CRPPA: variants seen among roughly 807,000 people sequenced by gnomAD.
CRPPA encodes the protein D-ribitol-5-phosphate cytidylyltransferase.
Under a neutral mutation model 52.0 loss-of-function variants are expected in CRPPA, and 43 were observed. That is an observed-to-expected ratio of 0.83 (90% CI 0.65 to 1.07). The LOEUF is 1.07. CRPPA is among the 50% of genes least tolerant of loss of function. CRPPA has a pLI of 0.00. For synonymous variants in CRPPA, 250 were observed against 203.5 expected (o/e 1.23, Z -1.94); for missense variants, 629 against 551.7 (o/e 1.14, Z -1.40).
At chr7:16,298,179 G>A (rs1784713588) in intron 5 of CRPPA, among the ~76,000 whole-genome samples, 1 of 152,248 alleles carries the variant, frequency 6.6e-6, no homozygotes, top group African/African-American at 2.4e-5. Flanking sequence ...GCAGCTGGGA[G>A]AGCATCGTAA....
intron 9 of CRPPA, among the ~76,000 whole-genome samples, chr7:16,138,114 C>G (rs928364924): frequency 1.6e-4 from 25 of 152,140 alleles, no homozygotes; most frequent in Non-Finnish European, 3.2e-4. Context: ...ACTATGTCAA[C>G]AATTTATATG....
chr7:16,094,800 T>G (rs1781904658), intron 9 of CRPPA, among the ~76,000 whole-genome samples: 1 of 152,024 alleles, frequency 6.6e-6, no homozygotes. Flanking sequence ...TCGGAAAAGT[T>G]CCTGTTGGAG....
chr7:16,119,540 G>A (rs936460663), intron 9 of CRPPA, among the ~76,000 whole-genome samples: 1 of 152,126 alleles, frequency 6.6e-6, no homozygotes, highest in Non-Finnish European at 1.5e-5. Flanking sequence ...TGAAAACACA[G>A]AGATTGTCAA....
intron 9 of CRPPA, among the ~76,000 whole-genome samples, chr7:16,147,911 C>A (rs1783004684): frequency 6.6e-6 from 1 of 152,068 alleles, no homozygotes; most frequent in Non-Finnish European, 1.5e-5. Flanking sequence ...TGATTTGGTT[C>A]CTACCCTCAT....
intron 9 of CRPPA, among the ~76,000 whole-genome samples, chr7:16,213,969 T>G (rs1404918122): frequency 6.6e-6 from 1 of 152,116 alleles, no homozygotes; most frequent in East Asian, 1.9e-4. Flanking sequence ...TTTAAAACAT[T>G]CCAAATTATT....
intron 1 of CRPPA, among the ~76,000 whole-genome samples, chr7:16,409,238 C>T (rs1003191963): frequency 1.3e-5 from 2 of 152,152 alleles, no homozygotes; most frequent in African/African-American, 2.4e-5. Flanking sequence ...GAAATGGATA[C>T]TCCCCCAAAT....
In CRPPA at chr7:16,258,911, T is replaced by A. The variant is rs775248815; in HGVS notation, c.1026+9A>T. On this transcript the variant is annotated intron_variant, in intron 7 of 9. Coordinates refer to ENST00000407010, the MANE Select transcript of CRPPA (RefSeq NM_001101426.4). ...CCTTAAGTGCCTTCAATCATTTGAA[T>A]TGACTTACATTCACACAAACAAAAT... The A allele has an allele frequency of 6.3e-7, 1 of 1,584,940 alleles. No homozygotes were observed. Among genetic ancestry groups the A allele is most frequent in the African/African-American group, 1.3e-5 (1 of 74,152 alleles).
intron 9 of CRPPA, among the ~76,000 whole-genome samples, chr7:16,111,177 A>G (rs1012868507): frequency 3.9e-5 from 6 of 152,212 alleles, no homozygotes; most frequent in African/African-American, 1.2e-4. Flanking sequence ...GTATGAAAAA[A>G]TGCTTAACAT....
chr7:16,201,403 G>A (rs748279737), intron 9 of CRPPA, among the ~76,000 whole-genome samples: 3 of 152,068 alleles, frequency 2.0e-5, no homozygotes, highest in African/African-American at 4.8e-5. Context: ...CTTTTTGAAC[G>A]ATGTCTTTTA....
At chr7:16,157,901 G>T (rs187241991) in intron 9 of CRPPA, among the ~76,000 whole-genome samples, 1 of 150,942 alleles carries the variant, frequency 6.6e-6, no homozygotes. Flanking sequence ...TTGAGACCGA[G>T]TCTCACTCTG....
At chr7:16,262,281 A>C (rs1412767146) in intron 6 of CRPPA, among the ~76,000 whole-genome samples, 1 of 152,146 alleles carries the variant, frequency 6.6e-6, no homozygotes, top group Non-Finnish European at 1.5e-5. Flanking sequence ...ACTCTACTTT[A>C]GCTACCATTT....
chr7:16,261,651 G>C (rs1032628075), intron 6 of CRPPA, among the ~76,000 whole-genome samples: 1 of 151,712 alleles, frequency 6.6e-6, no homozygotes, highest in Admixed American at 6.6e-5. Flanking sequence ...TTTTGCTTAA[G>C]AATAGTTTAT....
intron 9 of CRPPA, among the ~76,000 whole-genome samples, chr7:16,198,094 C>T (rs1177330274): frequency 2.3e-5 from 2 of 87,400 alleles, no homozygotes; most frequent in Non-Finnish European, 4.5e-5. Flanking sequence ...TGAAATATGG[C>T]CTCGTGGGAA....
chr7:16,232,037 G>A (rs1483080063), intron 8 of CRPPA, among the ~76,000 whole-genome samples: 1 of 152,140 alleles, frequency 6.6e-6, no homozygotes, highest in East Asian at 1.9e-4. Context: ...TACCAGAGAG[G>A]AGAGAGCTTC....
At chr7:16,289,017 G>A (rs1784506007) in intron 5 of CRPPA, among the ~76,000 whole-genome samples, 1 of 151,510 alleles carries the variant, frequency 6.6e-6, no homozygotes, top group African/African-American at 2.4e-5. Flanking sequence ...AAACAAACAA[G>A]GAGACATTAT....
chr7:16,158,803 G>C lies in CRPPA; in HGVS notation c.1251+57263C>G, dbSNP rs79473453. Among the ~76,000 whole-genome samples, 52 of 152,236 alleles carry C rather than the reference G, an allele frequency of 3.4e-4. 1 individual carries two copies. In the East Asian group the frequency reaches 5.2e-3, roughly 15 times the overall value. On this transcript the variant is annotated intron_variant, in intron 9 of 9. Transcript: ENST00000407010. ...CTTCACCCTTCTCCATAACAGTAAA[G>C]GGTGGTTGAGACATGGCTGCTGGCT...
intron 3 of CRPPA, among the ~76,000 whole-genome samples, chr7:16,332,436 G>A (rs1014467151): frequency 6.6e-6 from 1 of 152,052 alleles, no homozygotes; most frequent in African/African-American, 2.4e-5. Context: ...ACAGCAAAAT[G>A]TATTTCTTCT....
At chr7:16,120,760 A>G (rs1265164724) in intron 9 of CRPPA, among the ~76,000 whole-genome samples, 6 of 152,162 alleles carry the variant, frequency 3.9e-5, no homozygotes, top group African/African-American at 1.4e-4. Context: ...ATAATATTTA[A>G]CATTACAGAA....
chr7:16,157,348 T>G (rs755366157), intron 9 of CRPPA, among the ~76,000 whole-genome samples: 1 of 152,114 alleles, frequency 6.6e-6, no homozygotes, highest in Admixed American at 6.6e-5. Flanking sequence ...GGAAACAATA[T>G]GATTCTGCAA....
Sources: allele counts gnomAD v4.1 joint callset (sites outside exome capture counted in the v4.1 genomes callset), GRCh38; gene constraint gnomAD v4.1.1; transcripts MANE v1.5; gene names NCBI Gene and HGNC (gene_info 2026-07-23, HGNC 2026-07-21).